The following TRAF3IP1 variants were observed in gnomAD, a reference collection of about 807,000 sequenced individuals.
TRAF3IP1 encodes the protein TRAF3-interacting protein 1.
TRAF3IP1 carries 53 observed loss-of-function variants against 89.9 expected under a neutral mutation model. The ratio of observed to expected loss-of-function variants is 0.59; its 90% CI spans 0.47 to 0.74. TRAF3IP1 has a LOEUF of 0.74. Among genes scored for constraint, TRAF3IP1 ranks in the 30% least tolerant of loss-of-function variants. TRAF3IP1 has a pLI of 0.00. For missense variants in TRAF3IP1, 806 were observed against 866.1 expected (o/e 0.93, Z 0.87); for synonymous variants, 311 against 322.1 (o/e 0.97, Z 0.37).
At position 238,351,409 on chromosome 2, in the gene TRAF3IP1, A is replaced by G. The variant is rs943312720; in HGVS notation, c.1452-1418A>G. Among the ~76,000 whole-genome samples the G allele has an allele frequency of 4.6e-5, 7 of 152,030 alleles. No homozygotes were observed. Among genetic ancestry groups the G allele is most frequent in the Non-Finnish European group, 1.0e-4 (7 of 67,986 alleles). On this transcript the variant is annotated intron_variant, in intron 12 of 16. Transcript: ENST00000373327. The surrounding 1 kb of genome is among the most constrained non-coding windows in gnomAD (Gnocchi z 5.2). ...GAGTGATCTGGAAGCCGAAGCAAGC[A>G]TAAGGAAATTACTGACCTTCCCTCT...
intron 7 of TRAF3IP1, 136 bp from the exon 8 acceptor site, chr2:238,338,226 G>A (rs777482288): frequency 1.9e-6 from 1 of 533,726 alleles, no homozygotes; most frequent in Non-Finnish European, 3.3e-6. Context: ...TGTGGAGGCT[G>A]AGAATTGACC....
chr2:238,382,253 A>C (rs765987695), intron 15 of TRAF3IP1, among the ~76,000 whole-genome samples: 2 of 152,316 alleles, frequency 1.3e-5, no homozygotes, highest in Non-Finnish European at 2.9e-5. Context: ...CTGAGTATGC[A>C]GACAGGAAGG....
At chr2:238,381,130 T>A (rs71426522) in intron 15 of TRAF3IP1, among the ~76,000 whole-genome samples, 5 of 140,204 alleles carry the variant, frequency 3.6e-5, no homozygotes, top group Admixed American at 7.3e-5. Context: ...TTTTTAATTA[T>A]TTATTTATTT....
At chr2:238,368,062 T>C (rs1332789931) in intron 15 of TRAF3IP1, among the ~76,000 whole-genome samples, 3 of 152,234 alleles carry the variant, frequency 2.0e-5, no homozygotes, top group South Asian at 4.1e-4. Context: ...TTGTGCTTAC[T>C]GTTGTGAGAC....
At chr2:238,341,532 CTT>C (rs781399446) in intron 8 of TRAF3IP1, among the ~76,000 whole-genome samples, 3 of 110,250 alleles carry the variant, frequency 2.7e-5, no homozygotes, top group African/African-American at 4.8e-5. Flanking sequence ...TTTTTCTATT[CTT>C]TTTTTTTTTT....
chr2:238,393,539 T>C (rs1163479065), intron 15 of TRAF3IP1, among the ~76,000 whole-genome samples: 1 of 152,224 alleles, frequency 6.6e-6, no homozygotes, highest in Admixed American at 6.5e-5. Flanking sequence ...ATTTTTGTCA[T>C]GCTTTTGGTG....
rs956186115 is a variant in TRAF3IP1 at position 238,378,453 on chromosome 2, A to G, written c.1690-19006A>G. Among the ~76,000 whole-genome samples the G allele has an allele frequency of 3.3e-5, 5 of 152,352 alleles. No homozygotes were observed. In the East Asian group the frequency reaches 5.8e-4, roughly 18 times the overall value. On this transcript the variant is annotated intron_variant, in intron 15 of 16. Transcript: ENST00000373327. ...TTTTGGCAGCTGTTGAGATGTTCCTATATTAATAGACTTCCTAATGTTGAA... is the reference window on the plus strand; with the variant it reads ...TTTTGGCAGCTGTTGAGATGTTCCTGTATTAATAGACTTCCTAATGTTGAA...
intron 11 of TRAF3IP1, 92 bp from the exon 12 acceptor site, chr2:238,349,233 T>C: frequency 8.3e-7 from 1 of 1,200,126 alleles, no homozygotes; most frequent in Non-Finnish European, 1.2e-6. Context: ...GGCTTGGAGA[T>C]GAGAGTTAAC....
chr2:238,340,833 GTATATA>G (rs1553612058), intron 8 of TRAF3IP1, among the ~76,000 whole-genome samples: 10 of 70,946 alleles, frequency 1.4e-4, no homozygotes, highest in African/African-American at 4.1e-4. Context: ...GTGTGTGTGT[GTATATA>G]TATATATAGA....
In TRAF3IP1 at chr2:238,399,007, T is replaced by G; in HGVS notation, c.*88T>G. Reference sequence around the variant, plus strand: ...ATCATTACTCTTTTAAGTTCCAGTTTGCTAAGAAAATGAACAGTTTACAAT... The same window carrying G: ...ATCATTACTCTTTTAAGTTCCAGTTGGCTAAGAAAATGAACAGTTTACAAT... On this transcript the variant is annotated 3_prime_UTR_variant, in exon 17 of 17. Transcript: ENST00000373327. The G allele has an allele frequency of 8.0e-7, 1 of 1,253,452 alleles. No individual in the cohort carries two copies. The highest frequency in any genetic ancestry group is 1.1e-6 in the Non-Finnish European group (1 of 907,220). 77.6% of individuals were successfully genotyped at this position (1,253,452 alleles called of 1,614,324 possible).
At chr2:238,374,399 G>T (rs1219626032) in intron 15 of TRAF3IP1, among the ~76,000 whole-genome samples, 3 of 151,998 alleles carry the variant, frequency 2.0e-5, no homozygotes, top group African/African-American at 7.2e-5. Flanking sequence ...CGTGGTTTTT[G>T]TCGGTTCTGT....
At chr2:238,329,531 G>T (rs920928824) in intron 5 of TRAF3IP1, among the ~76,000 whole-genome samples, 189 bp downstream of exon 5, 3 of 152,106 alleles carry the variant, frequency 2.0e-5, no homozygotes. Context: ...TGTGTTTTGG[G>T]TTTTTTTGTT....
intron 8 of TRAF3IP1, among the ~76,000 whole-genome samples, chr2:238,344,080 G>T (rs1698782135): frequency 6.6e-6 from 1 of 152,148 alleles, no homozygotes. Context: ...ATATGGCCAG[G>T]ACTGTGCACT....
rs1367300831 is a variant in TRAF3IP1, at chr2:238,377,225, A to ATTTT, written c.1690-20233_1690-20230dup. On this transcript the variant is annotated intron_variant, in intron 15 of 16. Coordinates refer to ENST00000373327, the MANE Select transcript of TRAF3IP1 (RefSeq NM_015650.4). ...GGTAACCTCGTTTCCTTCCTTCCTG[A>ATTTT]TTTTCTTTTTTTTTTTTTTTTTTTT... is the stretch of plus-strand genomic sequence containing the variant. Among the ~76,000 whole-genome samples, 4 of 75,816 alleles carry ATTTT rather than the reference A, an allele frequency of 5.3e-5. 1 individual carries two copies. The highest frequency in any genetic ancestry group is 2.2e-4 in the African/African-American group (4 of 18,098). 49.7% of individuals were successfully genotyped at this position (75,816 alleles called of 152,430 possible).
intron 5 of TRAF3IP1, among the ~76,000 whole-genome samples, chr2:238,329,657 C>T (rs1698025599): frequency 6.6e-6 from 1 of 152,178 alleles, no homozygotes; most frequent in African/African-American, 2.4e-5. Context: ...TATAAGCTCC[C>T]TAAGAGCAAA....
intron 1 of TRAF3IP1, among the ~76,000 whole-genome samples, chr2:238,323,360 T>G (rs934246840): frequency 1.3e-5 from 2 of 152,220 alleles, no homozygotes; most frequent in African/African-American, 4.8e-5. Flanking sequence ...ATTACAGGTG[T>G]GAGCTACTGT....
intron 15 of TRAF3IP1, among the ~76,000 whole-genome samples, chr2:238,357,553 G>A (rs530046124): frequency 1.3e-5 from 2 of 152,312 alleles, no homozygotes; most frequent in African/African-American, 4.8e-5. Context: ...AGTAGAGGGA[G>A]CCCTTTTAAC....
intron 15 of TRAF3IP1, among the ~76,000 whole-genome samples, chr2:238,381,463 G>T (rs1700548011): frequency 6.6e-6 from 1 of 152,196 alleles, no homozygotes; most frequent in African/African-American, 2.4e-5. Context: ...GCATTTGGAA[G>T]TGGGCCCTGA....
intron 15 of TRAF3IP1, among the ~76,000 whole-genome samples, chr2:238,382,158 A>G (rs1355798273): frequency 6.6e-6 from 1 of 152,190 alleles, no homozygotes; most frequent in Non-Finnish European, 1.5e-5. Flanking sequence ...GGGGACAGAG[A>G]GCCCGGGTGT....
Sources: gnomAD v4.1 joint callset for allele counts (sites outside exome capture counted in the v4.1 genomes callset) on GRCh38, gnomAD v4.1.1 for gene constraint, Gnocchi (gnomAD v3.1) non-coding constraint, MANE v1.5 for transcripts, NCBI Gene and HGNC (gene_info 2026-07-23, HGNC 2026-07-21) for gene names.